The following IQCK variants were observed in gnomAD, a reference collection of about 807,000 sequenced individuals.
The protein encoded by IQCK is IQ domain-containing protein K.
In IQCK, 29 loss-of-function variants were observed where a neutral mutation model predicts 28.1. The ratio of observed to expected loss-of-function variants is 1.03; its 90% CI spans 0.77 to 1.41. The LOEUF is 1.41. Among genes scored for constraint, IQCK ranks in the 40% most tolerant of loss-of-function variants. IQCK has a pLI of 0.00. For synonymous variants in IQCK, 113 were observed against 115.1 expected, an observed-to-expected ratio of 0.98 and a Z score of 0.12; for missense variants, 359 against 314.7, an observed-to-expected ratio of 1.14 and a Z score of -1.07.
intron 6 of IQCK, among the ~76,000 whole-genome samples, chr16:19,776,479 C>T (rs1245717196): frequency 6.6e-6 from 1 of 152,080 alleles, no homozygotes; most frequent in Non-Finnish European, 1.5e-5. Context: ...CCAAGATGGG[C>T]AGATCACCTG....
chr16:19,772,609 A>G (rs537565578), intron 6 of IQCK, among the ~76,000 whole-genome samples: 8 of 152,318 alleles, frequency 5.3e-5, no homozygotes, highest in African/African-American at 1.7e-4. Flanking sequence ...ATTCACTGAC[A>G]TGGAGAACAG....
intron 6 of IQCK, chr16:19,766,093 A>G (rs1322429845): frequency 1.3e-5 from 2 of 152,234 alleles, no homozygotes; most frequent in African/African-American, 4.8e-5. Flanking sequence ...TTTAACGGGC[A>G]TTTATATTCT....
chr16:19,781,828 A>C (rs1008812091), intron 6 of IQCK, among the ~76,000 whole-genome samples: 1 of 151,968 alleles, frequency 6.6e-6, no homozygotes, highest in East Asian at 1.9e-4. Flanking sequence ...ATCTCTACTA[A>C]AAATACAAAA....
chr16:19,827,728 T>G (rs1366029416), downstream of IQCK, among the ~76,000 whole-genome samples: 1 of 152,084 alleles, frequency 6.6e-6, no homozygotes, highest in Non-Finnish European at 1.5e-5. Flanking sequence ...TGGAGGAAGG[T>G]TGCATGGACT....
rs1317472559 is a variant in IQCK, at chr16:19,825,395, C to T, written c.691-1631C>T. 6.6e-6 allele frequency among the ~76,000 whole-genome samples: 1 copy of T among 152,064 alleles called. No homozygotes were observed. The highest frequency in any genetic ancestry group is 1.5e-5 in the Non-Finnish European group (1 of 68,024). ...ATTAGCCAGGCCTGGTGGTGCACACCTGTATTCCCAGCTACTTGGGAGGCT... is the reference window on the plus strand; with the variant it reads ...ATTAGCCAGGCCTGGTGGTGCACACTTGTATTCCCAGCTACTTGGGAGGCT... On this transcript the variant is annotated intron_variant, in intron 7 of 7. Transcript: ENST00000564186. This position sits in a 1 kb window ranked among gnomAD's most constrained non-coding sequence, Gnocchi z 4.2.
chr16:19,858,199 C>T, exon 10 of IQCK: 3 of 306,002 alleles, frequency 9.8e-6, no homozygotes, highest in Non-Finnish European at 1.8e-5. Flanking sequence ...AGAAAAAGAA[C>T]AGCTCTCTCC....
At chr16:19,834,367 G>A (rs2056268982) in intron 9 of IQCK, among the ~76,000 whole-genome samples, 1 of 152,172 alleles carries the variant, frequency 6.6e-6, no homozygotes, top group Non-Finnish European at 1.5e-5. Context: ...AGCCAGTCAG[G>A]CCAGAGACCA....
chr16:19,804,035 T>G (rs777171671), intron 7 of IQCK, among the ~76,000 whole-genome samples: 1 of 152,182 alleles, frequency 6.6e-6, no homozygotes, highest in African/African-American at 2.4e-5. Flanking sequence ...TATATATCAG[T>G]GACTTTCCTA....
chr16:19,765,028 C>T (rs918674328), intron 6 of IQCK, among the ~76,000 whole-genome samples: 2 of 144,820 alleles, frequency 1.4e-5, no homozygotes, highest in Non-Finnish European at 1.5e-5. Context: ...CGAGACCATC[C>T]TGGCTAACAC....
chr16:19,815,229 AGAAC>A (rs777221860), intron 7 of IQCK, among the ~76,000 whole-genome samples: 4 of 152,206 alleles, frequency 2.6e-5, no homozygotes, highest in Non-Finnish European at 5.9e-5. Flanking sequence ...ATGCTGCTCT[AGAAC>A]ACACTTCTAA....
chr16:19,735,269 T>C, intron 3 of IQCK, 84 bp from the exon 4 acceptor site: 1 of 937,646 alleles, frequency 1.1e-6, no homozygotes, highest in East Asian at 2.4e-5. Context: ...CAGTACCTTT[T>C]TCTGGCTCAA....
intron 7 of IQCK, among the ~76,000 whole-genome samples, chr16:19,799,471 A>T (rs1056850038): frequency 1.0e-4 from 9 of 89,962 alleles, no homozygotes; most frequent in Admixed American, 9.1e-4. Flanking sequence ...GGGTTTCACC[A>T]TGTTGGGCAG....
chr16:19,761,343 G>A, intron 4 of IQCK: 1 of 450,680 alleles, frequency 2.2e-6, no homozygotes, highest in South Asian at 1.6e-5. Flanking sequence ...GTCTCCTGCT[G>A]GTACCACCCA....
intron 9 of IQCK, among the ~76,000 whole-genome samples, chr16:19,843,659 G>A (rs12051471): frequency 6.6e-6 from 1 of 152,308 alleles, no homozygotes; most frequent in East Asian, 1.9e-4. Context: ...GAGACTGTAA[G>A]TCTGAGATCA....
chr16:19,762,044 G>T, intron 4 of IQCK: 1 of 152,708 alleles, frequency 6.5e-6, no homozygotes, highest in Non-Finnish European at 1.5e-5. Flanking sequence ...AAACTTCAAG[G>T]AAGAAGGGGC....
In IQCK at chr16:19,836,836, T is replaced by C. The variant is rs563179703; in HGVS notation, c.802+9699T>C. Among the ~76,000 whole-genome samples the C allele has an allele frequency of 7.2e-5, 11 of 152,272 alleles. No individual in the cohort carries two copies. The South Asian group carries it at 2.3e-3, about 32-fold the overall frequency. On this transcript the variant is annotated intron_variant, in intron 9 of 9. Transcript: ENST00000320394. ...TGATGCGGAATGCTTTTGAAGGATATAGATAAATCTACAAACCCCTAGACG... is the reference window on the plus strand; with the variant it reads ...TGATGCGGAATGCTTTTGAAGGATACAGATAAATCTACAAACCCCTAGACG...
intron 4 of IQCK, among the ~76,000 whole-genome samples, chr16:19,759,313 A>T (rs2055100838): frequency 6.6e-6 from 1 of 152,106 alleles, no homozygotes; most frequent in Non-Finnish European, 1.5e-5. Context: ...GGTTCAAGCG[A>T]TTCTCCTCTC....
downstream of IQCK, among the ~76,000 whole-genome samples, chr16:19,828,111 C>T (rs1348097548): frequency 1.3e-5 from 2 of 151,886 alleles, no homozygotes; most frequent in Non-Finnish European, 2.9e-5. Flanking sequence ...CAGGGTTTCA[C>T]CATGTTGGCC....
intron 9 of IQCK, among the ~76,000 whole-genome samples, chr16:19,843,301 A>G (rs1357374761): frequency 6.6e-6 from 1 of 152,130 alleles, no homozygotes; most frequent in Non-Finnish European, 1.5e-5. Flanking sequence ...AACCATCACT[A>G]AATGAATTTT....
Sources: gnomAD v4.1 joint callset for allele counts (sites outside exome capture counted in the v4.1 genomes callset) on GRCh38, gnomAD v4.1.1 for gene constraint, Gnocchi (gnomAD v3.1) non-coding constraint, MANE v1.5 for transcripts, NCBI Gene and HGNC (gene_info 2026-07-23, HGNC 2026-07-21) for gene names.